The following AOPEP variants were observed in gnomAD, a reference collection of about 807,000 sequenced individuals.
AOPEP encodes aminopeptidase O.
AOPEP carries 77 observed loss-of-function variants against 98.1 expected under a neutral mutation model. The ratio of observed to expected loss-of-function variants is 0.78; its 90% CI spans 0.65 to 0.95. The LOEUF (loss-of-function observed/expected upper bound fraction) is 0.95. Ranked by LOEUF, AOPEP falls within the 40% of genes least tolerant of loss-of-function variation. The probability of loss-of-function intolerance (pLI) is 0.00; values close to 1 mark genes in which losing one functional copy is unlikely to be tolerated. For missense variants in AOPEP, 1,024 were observed against 1,024.7 expected (o/e 1.00, Z 0.01); for synonymous variants, 346 against 365.3 (o/e 0.95, Z 0.60).
the AOPEP span, chr9:95,135,341 C>A: frequency 6.2e-7 from 1 of 1,613,576 alleles, no homozygotes; most frequent in Non-Finnish European, 8.5e-7. Context: ...AAACCCAGTA[C>A]GTACCAGCGA....
chr9:95,049,371 C>G (rs547582601), intron 13 of AOPEP, among the ~76,000 whole-genome samples: 8 of 152,112 alleles, frequency 5.3e-5, no homozygotes, highest in Non-Finnish European at 1.2e-4. Context: ...TCTTTTTCAG[C>G]TTAATTTATA....
chr9:95,140,542 T>C, the AOPEP span, among the ~76,000 whole-genome samples: 1 of 152,194 alleles, frequency 6.6e-6, no homozygotes, highest in Non-Finnish European at 1.5e-5. Context: ...AGGTTCTTGA[T>C]GAGGGAGGCC....
intron 14 of AOPEP, among the ~76,000 whole-genome samples, chr9:95,073,983 G>C (rs2068777846): frequency 2.6e-5 from 4 of 152,176 alleles, no homozygotes; most frequent in Admixed American, 1.3e-4. Context: ...TTGTGGATAC[G>C]TATGCACACA....
intron 14 of AOPEP, among the ~76,000 whole-genome samples, chr9:95,063,560 CCT>C (rs1438948258): frequency 1.3e-5 from 2 of 152,202 alleles, no homozygotes; most frequent in Non-Finnish European, 2.9e-5. Context: ...ATGGGCTCCC[CCT>C]GTGTTGTTTT....
At chr9:94,969,109 T>C (rs2059380280) in intron 10 of AOPEP, among the ~76,000 whole-genome samples, 1 of 152,106 alleles carries the variant, frequency 6.6e-6, no homozygotes, top group Non-Finnish European at 1.5e-5. Context: ...TCTTATCTAC[T>C]TTGTTACAAA....
At chr9:95,126,475 T>C in the AOPEP span, 8 of 1,531,620 alleles carry the variant, frequency 5.2e-6, no homozygotes, top group South Asian at 1.1e-5. Context: ...GATTCATGCT[T>C]GGAAATGGAA....
the AOPEP span, among the ~76,000 whole-genome samples, chr9:95,103,097 G>A: frequency 1.3e-5 from 2 of 152,164 alleles, no homozygotes; most frequent in African/African-American, 4.8e-5. Flanking sequence ...TGAGCCTGCT[G>A]TGGACCCCTT....
At chr9:94,757,699 A>G (rs1322279412) in intron 1 of AOPEP, among the ~76,000 whole-genome samples, 1 of 152,198 alleles carries the variant, frequency 6.6e-6, no homozygotes, top group East Asian at 1.9e-4. Context: ...TTAGCCAGCC[A>G]CTAAATTGAC....
chr9:94,736,433 A>G (rs1831796517), intron 1 of AOPEP, among the ~76,000 whole-genome samples: 1 of 152,194 alleles, frequency 6.6e-6, no homozygotes, highest in Non-Finnish European at 1.5e-5. Context: ...CTCTTACTGA[A>G]AAAGCTGGTA....
At chr9:95,044,057 C>T (rs561394662) in intron 13 of AOPEP, among the ~76,000 whole-genome samples, 10 of 152,258 alleles carry the variant, frequency 6.6e-5, no homozygotes, top group African/African-American at 2.4e-4. Flanking sequence ...ACTGAGATAA[C>T]ACGTGCGAAG....
At chr9:95,018,794 C>T (rs944140596) in intron 13 of AOPEP, 2 of 152,220 alleles carry the variant, frequency 1.3e-5, no homozygotes, top group Non-Finnish European at 2.9e-5. Flanking sequence ...ACTGTGCAAC[C>T]GCATGTCATC....
At chr9:95,105,484 G>A in the AOPEP span, among the ~76,000 whole-genome samples, 1 of 152,214 alleles carries the variant, frequency 6.6e-6, no homozygotes, top group Non-Finnish European at 1.5e-5. Context: ...CCAGCATGCT[G>A]GTGCTTTTTC....
intron 2 of AOPEP, among the ~76,000 whole-genome samples, chr9:94,762,193 A>T (rs916770835): frequency 5.9e-5 from 9 of 152,218 alleles, no homozygotes; most frequent in African/African-American, 2.2e-4. Context: ...CACGCCTGTA[A>T]TCCCAGCACT....
intron 4 of AOPEP, among the ~76,000 whole-genome samples, chr9:94,793,232 C>T (rs1470578118): frequency 6.6e-6 from 1 of 151,922 alleles, no homozygotes; most frequent in Non-Finnish European, 1.5e-5. Context: ...CCGGGCGTCC[C>T]AGCGACTCGG....
intron 16 of AOPEP, chr9:95,086,337 C>G: frequency 1.0e-6 from 1 of 985,422 alleles, no homozygotes; most frequent in Non-Finnish European, 1.2e-6. Flanking sequence ...GGCCGTTTGC[C>G]CCCATGTGTA....
At chr9:94,982,281 C>T (rs1297916192) in intron 11 of AOPEP, among the ~76,000 whole-genome samples, 3 of 152,144 alleles carry the variant, frequency 2.0e-5, no homozygotes, top group Non-Finnish European at 2.9e-5. Context: ...TTTCCTTTCT[C>T]TCCCTCTTTA....
intron 13 of AOPEP, among the ~76,000 whole-genome samples, chr9:95,052,077 C>G (rs2066425841): frequency 6.6e-6 from 1 of 152,170 alleles, no homozygotes. Flanking sequence ...CACTCCTGGT[C>G]TGAATTTTCA....
At chr9:94,886,689 T>C (rs2048280326) in intron 5 of AOPEP, among the ~76,000 whole-genome samples, 1 of 152,238 alleles carries the variant, frequency 6.6e-6, no homozygotes, top group Non-Finnish European at 1.5e-5. Flanking sequence ...TTTGCATTCT[T>C]GAATTGTTGT....
chr9:95,059,006 A>G (rs1232998470), intron 13 of AOPEP, among the ~76,000 whole-genome samples: 1 of 152,236 alleles, frequency 6.6e-6, no homozygotes, highest in Non-Finnish European at 1.5e-5. Flanking sequence ...GGCAGTGTTC[A>G]TGGTATGAAT....
Sources: gnomAD v4.1 joint callset for allele counts (sites outside exome capture counted in the v4.1 genomes callset) on GRCh38, gnomAD v4.1.1 for gene constraint, MANE v1.5 for transcripts, NCBI Gene and HGNC (gene_info 2026-07-23, HGNC 2026-07-21) for gene names.